Variants in KCNK12 observed in about 807,000 individuals in gnomAD.
KCNK12 encodes potassium two pore domain channel subfamily K member 12.
A neutral mutation model predicts 25.3 loss-of-function variants in KCNK12; 6 were observed. The observed-to-expected ratio is 0.24, with a 90% CI of 0.13 to 0.47. The LOEUF is 0.47. Ranked by LOEUF, KCNK12 falls within the 20% of genes least tolerant of loss-of-function variation. The pLI is 0.99. For missense variants in KCNK12, 444 were observed against 661.7 expected (o/e 0.67, Z 3.61); for synonymous variants, 331 against 311.1 (o/e 1.06, Z -0.67).
rs984494160 is a variant in KCNK12, at chr2:47,551,344, C to A, written c.391+18597G>T. On this transcript the variant is annotated intron_variant, in intron 1 of 1. Coordinates refer to ENST00000327876, the MANE Select transcript of KCNK12 (RefSeq NM_022055.2). The surrounding 1 kb of genome is among the most constrained non-coding windows in gnomAD (Gnocchi z 5.3). ...TCAGGGGTCACATCATCCAAGAGAC[C>A]CTTTCAGACCACCCTACTTCCATCA... 2.0e-5 allele frequency among the ~76,000 whole-genome samples: 3 copies of A among 152,176 alleles called. No individual in the cohort carries two copies. The highest frequency in any genetic ancestry group is 7.2e-5 in the African/African-American group (3 of 41,440).
Position 47,555,656 on chromosome 2 carries a change from C to G in KCNK12, c.391+14285G>C, listed in dbSNP as rs1434079025. On this transcript the variant is annotated intron_variant, in intron 1 of 1. Transcript: ENST00000327876. This position sits in a 1 kb window ranked among gnomAD's most constrained non-coding sequence, Gnocchi z 4.5. ...GCCTCCATATGTATATGCAATAAATCTTTTCTCCTATTAATCTGTCTTTTA... is the reference window on the plus strand; with the variant it reads ...GCCTCCATATGTATATGCAATAAATGTTTTCTCCTATTAATCTGTCTTTTA... 1.3e-5 allele frequency among the ~76,000 whole-genome samples: 2 copies of G among 152,182 alleles called. No homozygotes were observed. The highest frequency in any genetic ancestry group is 1.3e-4 in the Admixed American group (2 of 15,284).
At chr2:47,541,997 A>G (rs938368674) in intron 1 of KCNK12, among the ~76,000 whole-genome samples, 9 of 152,182 alleles carry the variant, frequency 5.9e-5, no homozygotes, top group African/African-American at 1.9e-4. Flanking sequence ...CAGCAGCAGC[A>G]GCGGCAGCAG....
intron 1 of KCNK12, among the ~76,000 whole-genome samples, chr2:47,553,449 G>A (rs1239322553): frequency 6.6e-6 from 1 of 152,130 alleles, no homozygotes; most frequent in Non-Finnish European, 1.5e-5. Context: ...TGTCACCCAG[G>A]CAGAAGTACA....
intron 1 of KCNK12, among the ~76,000 whole-genome samples, chr2:47,534,371 C>T (rs147006226): frequency 2.6e-5 from 4 of 152,162 alleles, no homozygotes; most frequent in African/African-American, 9.6e-5. Context: ...TGGGGAGCAG[C>T]TGTCAAGCTC....
intron 1 of KCNK12, among the ~76,000 whole-genome samples, chr2:47,568,542 C>T (rs566161282): frequency 1.3e-5 from 2 of 152,318 alleles, no homozygotes; most frequent in South Asian, 4.1e-4. Context: ...GAAGTGCTTT[C>T]ATAGACTATA....
At chr2:47,561,671 G>A (rs1370043747) in intron 1 of KCNK12, among the ~76,000 whole-genome samples, 5 of 152,202 alleles carry the variant, frequency 3.3e-5, no homozygotes, top group African/African-American at 1.2e-4. Flanking sequence ...CTGCACCCAT[G>A]GGTTAGAGCC....
intron 1 of KCNK12, among the ~76,000 whole-genome samples, chr2:47,532,290 G>C (rs976842385): frequency 2.7e-5 from 4 of 149,746 alleles, no homozygotes; most frequent in African/African-American, 9.8e-5. Context: ...GCTTGAGTCT[G>C]CTCCCACTTT....
rs1669856115 is a variant in KCNK12 at position 47,570,002 on chromosome 2, C to T, written c.330G>A (p.Leu110=). 3 of 1,435,398 alleles carry T rather than the reference C, an allele frequency of 2.1e-6. No homozygotes were observed. The highest frequency in any genetic ancestry group is 6.0e-5 in the Admixed American group (2 of 33,496). The allele number at this position is 1,435,398 out of a possible 1,614,324, so 88.9% of individuals were successfully genotyped here. The stretch of plus-strand genomic sequence containing the variant: ...CGCCGGGGAAGTCCCAGCGCGGGCG[C>T]AGCGCGTCGGCGCGGACGCCGGCGG... The part of the protein sequence containing the change: ...ALAAGVRADA[L]RPRWDFPGAF... The change falls in exon 1 of 2, where the codon CTG becomes CTA. Residue 110 remains leucine (L), a synonymous_variant. Coordinates refer to ENST00000327876, the MANE Select transcript of KCNK12 (RefSeq NM_022055.2).
rs1259901350 is a variant in KCNK12, at chr2:47,557,955, A to G, written c.391+11986T>C. 2.0e-5 allele frequency among the ~76,000 whole-genome samples: 3 copies of G among 152,186 alleles called. No homozygotes were observed. Among genetic ancestry groups the G allele is most frequent in the Non-Finnish European group, 4.4e-5 (3 of 68,024 alleles). On this transcript the variant is annotated intron_variant, in intron 1 of 1. Transcript: ENST00000327876. This position sits in a 1 kb window ranked among gnomAD's most constrained non-coding sequence, Gnocchi z 4.9. Reference sequence around the variant, plus strand: ...CATCTCTCTTTAAATATAATGGGGTATGTTGCTGCTTACAGGAGCTTTGGA... The same window carrying G: ...CATCTCTCTTTAAATATAATGGGGTGTGTTGCTGCTTACAGGAGCTTTGGA...
chr2:47,512,185 G>T lies in KCNK12; in HGVS notation c.*8722C>A. Reference sequence around the variant, plus strand: ...CTCCTCCCAGTCCATGGAGAAAAAAGAATTGAACAAACTGTCTAAGCTGGG... The same window carrying T: ...CTCCTCCCAGTCCATGGAGAAAAAATAATTGAACAAACTGTCTAAGCTGGG... On this transcript the variant is annotated 3_prime_UTR_variant, in exon 2 of 2. Coordinates refer to ENST00000327876, the MANE Select transcript of KCNK12 (RefSeq NM_022055.2). The T allele has an allele frequency of 8.0e-7, 1 of 1,257,132 alleles. No individual in the cohort carries two copies. 77.9% of individuals were successfully genotyped at this position (1,257,132 alleles called of 1,614,324 possible).
At chr2:47,543,120 C>G (rs1297540266) in intron 1 of KCNK12, among the ~76,000 whole-genome samples, 1 of 152,102 alleles carries the variant, frequency 6.6e-6, no homozygotes, top group Non-Finnish European at 1.5e-5. Context: ...GAGGTGGGAA[C>G]TTTAATTTAC....
At chr2:47,552,632 G>A (rs1669462068) in intron 1 of KCNK12, among the ~76,000 whole-genome samples, 1 of 151,988 alleles carries the variant, frequency 6.6e-6, no homozygotes, top group Non-Finnish European at 1.5e-5. Context: ...GCTGGGCATG[G>A]TGGTGCATGT....
Position 47,566,856 on chromosome 2 carries a change from C to A in KCNK12, c.391+3085G>T, listed in dbSNP as rs1028201891. 6.6e-6 allele frequency: 1 copy of A among 152,206 alleles called. No individual in the cohort carries two copies. Among genetic ancestry groups the A allele is most frequent in the Non-Finnish European group, 1.5e-5 (1 of 68,050 alleles). The allele number at this position is 152,206 out of a possible 1,614,324, so 9.4% of individuals were successfully genotyped here. A position where few individuals can be genotyped will look rare whatever the true frequency, so the allele number is the denominator to read the frequency against. ...GCTGAACCCCTCATTAACTGTGTGACCACTGACAAGTCCCCTAACCCTGTG... is the reference window on the plus strand; with the variant it reads ...GCTGAACCCCTCATTAACTGTGTGAACACTGACAAGTCCCCTAACCCTGTG... On this transcript the variant is annotated intron_variant, in intron 1 of 1. Transcript: ENST00000327876. The surrounding 1 kb of genome is among the most constrained non-coding windows in gnomAD (Gnocchi z 4.1).
chr2:47,523,485 C>A (rs1573623897), intron 1 of KCNK12, among the ~76,000 whole-genome samples: 1 of 152,232 alleles, frequency 6.6e-6, no homozygotes, highest in South Asian at 2.1e-4. Context: ...TTGCTTCAGG[C>A]CCTTATCGTT....
chr2:47,554,891 G>A (rs926087264), intron 1 of KCNK12, among the ~76,000 whole-genome samples: 3 of 152,146 alleles, frequency 2.0e-5, no homozygotes, highest in East Asian at 1.9e-4. Context: ...TGTATTATGC[G>A]GATTGAGCTG....
chr2:47,531,554 G>C (rs923901644), intron 1 of KCNK12, among the ~76,000 whole-genome samples: 1 of 152,150 alleles, frequency 6.6e-6, no homozygotes, highest in East Asian at 1.9e-4. Flanking sequence ...TCCCCTGCTG[G>C]GACAGTGCAG....
chr2:47,563,426 C>G (rs1356771980), intron 1 of KCNK12: 1 of 233,252 alleles, frequency 4.3e-6, no homozygotes, highest in Non-Finnish European at 8.5e-6. Flanking sequence ...AGAGATACAC[C>G]TACCTTTGGC....
intron 1 of KCNK12, chr2:47,563,298 G>A (rs1201001112): frequency 8.6e-6 from 2 of 233,476 alleles, no homozygotes; most frequent in African/African-American, 2.2e-5. Context: ...GGAAGCCTTG[G>A]TGCCCTCTCA....
rs1447996540 is a variant in KCNK12, at chr2:47,521,590, C to T, written c.610G>A (p.Asp204Asn). Residue 204 changes from aspartate (D) to asparagine (N), a missense_variant, in exon 2 of 2, where the codon GAC (aspartate) becomes AAC (asparagine). Physicochemically the swap from Asp to Asn is conservative, Grantham distance 23 (BLOSUM62 1). This residue lies in a region of KCNK12 where 36 missense variants were observed against 36.4 expected (regional missense o/e 0.99). Coordinates refer to ENST00000327876, the MANE Select transcript of KCNK12 (RefSeq NM_022055.2). ...GAGGGCTTCCAGCCCGCCAGGCTGT[C>T]GGCCTCCGAGAGCGCGGAGCCGCGG... ...FRRGSALSEADSLAGWKPSVY... is the reference protein window; with the variant it reads ...FRRGSALSEANSLAGWKPSVY... 6.4e-7 allele frequency: 1 copy of T among 1,561,368 alleles called. No individual in the cohort carries two copies. Among genetic ancestry groups the T allele is most frequent in the East Asian group, 2.4e-5 (1 of 42,098 alleles).
Sources: allele counts gnomAD v4.1 joint callset (sites outside exome capture counted in the v4.1 genomes callset), GRCh38; gene constraint gnomAD v4.1.1; regional missense constraint gnomAD v4.1.1; non-coding constraint Gnocchi (gnomAD v3.1); transcripts MANE v1.5; gene names NCBI Gene and HGNC (gene_info 2026-07-23, HGNC 2026-07-21).